LIN28B: variants seen among roughly 807,000 people sequenced by gnomAD.
The protein encoded by LIN28B is lin-28 RNA binding posttranscriptional regulator B.
LIN28B carries 5 observed loss-of-function variants against 21.9 expected under a neutral mutation model. The ratio of observed to expected loss-of-function variants is 0.23; its 90% CI spans 0.12 to 0.48. LIN28B has a LOEUF of 0.48. Ranked by LOEUF, LIN28B falls within the 20% of genes least tolerant of loss-of-function variation. LIN28B has a pLI of 0.98. For synonymous variants in LIN28B, 109 were observed against 111.3 expected, an observed-to-expected ratio of 0.98 and a Z score of 0.13; for missense variants, 245 against 310.5, an observed-to-expected ratio of 0.79 and a Z score of 1.58.
rs956527738 is a variant in LIN28B at position 105,078,321 on chromosome 6, C to T, written c.384-93C>T. 11 of 1,131,244 alleles carry T rather than the reference C, an allele frequency of 9.7e-6. No homozygotes were observed. The East Asian group carries it at 2.4e-4, about 24-fold the overall frequency. The allele number at this position is 1,131,244 out of a possible 1,614,324, so 70.1% of individuals were successfully genotyped here. On this transcript the variant is annotated intron_variant, in intron 3 of 3. Coordinates refer to ENST00000345080, the MANE Select transcript of LIN28B (RefSeq NM_001004317.4). The stretch of plus-strand genomic sequence containing the variant: ...AGAAGGCACATTAAAATAAGCTTAT[C>T]TCATTGGTAGTTTGTGTGTTTTCAC...
chr6:104,958,207 G>A lies in LIN28B; in HGVS notation c.119G>A (p.Arg40His), dbSNP rs769136643. The A allele has an allele frequency of 1.9e-5, 30 of 1,605,162 alleles. No individual in the cohort carries two copies. Among genetic ancestry groups the A allele is most frequent in the Non-Finnish European group, 2.3e-5 (27 of 1,173,160 alleles). ...GGCCACTGTAAGTGGTTCAATGTGCGCATGGGATTTGGATTCATCTCCATG... is the reference window on the plus strand; with the variant it reads ...GGCCACTGTAAGTGGTTCAATGTGCACATGGGATTTGGATTCATCTCCATG... ...GTGHCKWFNV[R>H]MGFGFISMIN... Residue 40 changes from arginine to histidine, a missense_variant, in exon 2 of 4, where the codon CGC becomes CAC. Physicochemically the swap from Arg to His is conservative, Grantham distance 29. Coordinates refer to ENST00000345080, the MANE Select transcript of LIN28B (RefSeq NM_001004317.4).
chr6:105,019,220 T>C (rs1771087478), intron 2 of LIN28B, among the ~76,000 whole-genome samples: 1 of 152,200 alleles, frequency 6.6e-6, no homozygotes, highest in African/African-American at 2.4e-5. Flanking sequence ...AATGCTGGGA[T>C]TACAGGCGTG....
intron 2 of LIN28B, among the ~76,000 whole-genome samples, chr6:104,938,050 C>CAAAAAAAAAAAA (rs10562331): frequency 8.1e-5 from 6 of 73,706 alleles, no homozygotes; most frequent in African/African-American, 3.7e-4. Flanking sequence ...CCTGTCTCTA[C>CAAAAAAAAAAAA]AAAAAAAAAA....
chr6:104,964,339 A>G (rs749273052), intron 2 of LIN28B, among the ~76,000 whole-genome samples: 2 of 152,186 alleles, frequency 1.3e-5, no homozygotes, highest in African/African-American at 4.8e-5. Context: ...GATGTACTAT[A>G]TTCTTACTTC....
chr6:105,066,577 T>G (rs1277494077), intron 3 of LIN28B, among the ~76,000 whole-genome samples: 2 of 152,152 alleles, frequency 1.3e-5, no homozygotes, highest in African/African-American at 4.8e-5. Flanking sequence ...CTTCTGTGTT[T>G]TAATGAAGAA....
chr6:105,009,420 GGGAGATTGT>G (rs1487698149), intron 2 of LIN28B, among the ~76,000 whole-genome samples: 1 of 152,148 alleles, frequency 6.6e-6, no homozygotes, highest in African/African-American at 2.4e-5. Flanking sequence ...GATGATGGTG[GGGAGATTGT>G]GGAAAGCCAA....
chr6:105,074,918 G>A (rs1485592168), intron 3 of LIN28B, among the ~76,000 whole-genome samples: 3 of 152,112 alleles, frequency 2.0e-5, no homozygotes, highest in Admixed American at 2.0e-4. Context: ...TGTTGGCCAG[G>A]CTGGTCTCAA....
chr6:105,008,571 G>A (rs1461845193), intron 2 of LIN28B, among the ~76,000 whole-genome samples: 1 of 151,616 alleles, frequency 6.6e-6, no homozygotes, highest in Non-Finnish European at 1.5e-5. Context: ...GTGAACCCGG[G>A]AGGTGGAGTT....
intron 2 of LIN28B, among the ~76,000 whole-genome samples, chr6:104,997,747 G>A (rs1009314028): frequency 2.6e-5 from 4 of 152,134 alleles, no homozygotes; most frequent in Non-Finnish European, 5.9e-5. Flanking sequence ...GCACATGGCC[G>A]GGTTCATATC....
chr6:105,024,324 A>G (rs1167757643), intron 2 of LIN28B, among the ~76,000 whole-genome samples: 1 of 152,174 alleles, frequency 6.6e-6, no homozygotes, highest in African/African-American at 2.4e-5. Context: ...AAAACAAAAC[A>G]TATGAACATA....
chr6:104,994,644 G>A (rs181522812), intron 2 of LIN28B, among the ~76,000 whole-genome samples: 1 of 152,206 alleles, frequency 6.6e-6, no homozygotes, highest in East Asian at 1.9e-4. Context: ...ATTAATTTGA[G>A]CCTTGTAAGA....
At chr6:104,945,276 C>T (rs1049189831) in intron 2 of LIN28B, among the ~76,000 whole-genome samples, 2 of 152,002 alleles carry the variant, frequency 1.3e-5, no homozygotes, top group Non-Finnish European at 2.9e-5. Context: ...CAGTAAGTCA[C>T]CCAGTGTTGT....
intron 3 of LIN28B, among the ~76,000 whole-genome samples, chr6:105,071,057 A>G (rs1290917497): frequency 6.6e-6 from 1 of 152,084 alleles, no homozygotes; most frequent in African/African-American, 2.4e-5. Context: ...TTGTGTTTTT[A>G]GTAGAGACGG....
At chr6:105,060,760 A>G (rs1165010679) in intron 3 of LIN28B, among the ~76,000 whole-genome samples, 1 of 152,230 alleles carries the variant, frequency 6.6e-6, no homozygotes, top group Non-Finnish European at 1.5e-5. Flanking sequence ...CTGTGAATGC[A>G]ATGATAAATG....
chr6:104,995,226 C>T (rs924194425), intron 2 of LIN28B, among the ~76,000 whole-genome samples: 2 of 152,100 alleles, frequency 1.3e-5, no homozygotes, highest in Non-Finnish European at 2.9e-5. Flanking sequence ...GAGGCCTTAA[C>T]CAAAGCAGTA....
intron 2 of LIN28B, among the ~76,000 whole-genome samples, chr6:105,012,398 G>A (rs1770942900): frequency 6.6e-6 from 1 of 151,976 alleles, no homozygotes; most frequent in Non-Finnish European, 1.5e-5. Context: ...GAACCCGGGA[G>A]GTGGAGGTTG....
intron 3 of LIN28B, among the ~76,000 whole-genome samples, chr6:105,069,303 A>G (rs2114413483): frequency 6.6e-6 from 1 of 152,352 alleles, no homozygotes; most frequent in Non-Finnish European, 1.5e-5. Flanking sequence ...AAACAAATTT[A>G]TATGCTGTTC....
At chr6:104,956,899 C>T, upstream of LIN28B, 1 of 334,020 alleles carries the variant, frequency 3.0e-6, no homozygotes. Context: ...AGAAGCGTTC[C>T]AAATTGTCTT....
intron 2 of LIN28B, among the ~76,000 whole-genome samples, chr6:104,990,888 T>C (rs1180267241): frequency 2.6e-5 from 4 of 152,190 alleles, no homozygotes; most frequent in African/African-American, 9.6e-5. Context: ...GGTAAGGTCA[T>C]AGATTAACAG....
Sources: allele counts gnomAD v4.1 joint callset (sites outside exome capture counted in the v4.1 genomes callset), GRCh38; gene constraint gnomAD v4.1.1; transcripts MANE v1.5; gene names NCBI Gene and HGNC (gene_info 2026-07-23, HGNC 2026-07-21).